Variants in EPS15 observed in about 807,000 individuals in gnomAD.
EPS15 encodes the protein epidermal growth factor receptor substrate 15.
A neutral mutation model predicts 113.8 loss-of-function variants in EPS15; 72 were observed. The observed-to-expected ratio is 0.63, with a 90% CI of 0.52 to 0.77. The LOEUF is 0.77. EPS15 is among the 30% of genes least tolerant of loss of function. The pLI, the probability that EPS15 is intolerant of heterozygous loss-of-function variation, is 0.00. For missense variants in EPS15, 1,048 were observed against 1,045.8 expected (o/e 1.00, Z -0.03); for synonymous variants, 344 against 363.4 (o/e 0.95, Z 0.61).
At chr1:51,364,464 G>T (rs1646461379) in intron 22 of EPS15, among the ~76,000 whole-genome samples, 1 of 151,784 alleles carries the variant, frequency 6.6e-6, no homozygotes, top group Admixed American at 6.6e-5. Context: ...AAGGAAAATG[G>T]CATCTTGACA....
chr1:51,399,817 G>T (rs766859673), intron 19 of EPS15, among the ~76,000 whole-genome samples: 10 of 151,786 alleles, frequency 6.6e-5, no homozygotes, highest in Non-Finnish European at 1.0e-4. Flanking sequence ...AGTCAAGACC[G>T]CACTACTTGT....
Position 51,408,150 on chromosome 1 carries a change from T to C in EPS15, c.1458A>G (p.Gln486=). 6.2e-7 allele frequency: 1 copy of C among 1,614,026 alleles called. No homozygotes were observed. Among genetic ancestry groups the C allele is most frequent in the Non-Finnish European group, 8.5e-7 (1 of 1,179,874 alleles). The change falls in exon 15 of 25, where the codon CAA becomes CAG. Residue 486 remains glutamine, a synonymous_variant. Transcript: ENST00000371733. ...EPLQQHLQDS[Q]QEISSMQMKL... ...AAAGACTTACTGAACTAATTTCCTG[T>C]TGTGAATCTTGTAGGTGCTGCTGAA...
intron 13 of EPS15, among the ~76,000 whole-genome samples, chr1:51,419,499 A>G (rs1650547588): frequency 1.3e-5 from 2 of 152,128 alleles, no homozygotes. Context: ...ATATGGAGAA[A>G]AGCAAGAACA....
chr1:51,446,604 C>A (rs1653076357), intron 10 of EPS15, among the ~76,000 whole-genome samples: 1 of 152,086 alleles, frequency 6.6e-6, no homozygotes, highest in African/African-American at 2.4e-5. Context: ...CAGGCGCACA[C>A]CACCATGTCT....
At chr1:51,357,852 G>A (rs1423563321) in intron 24 of EPS15, among the ~76,000 whole-genome samples, 1 of 150,194 alleles carries the variant, frequency 6.7e-6, no homozygotes, top group Non-Finnish European at 1.5e-5. Context: ...CGATTCTCTT[G>A]CCTCAGCCTC....
rs559449212 is a variant in EPS15, at chr1:51,370,678, T to C, written c.2120-4649A>G. 8.1e-4 allele frequency among the ~76,000 whole-genome samples: 123 copies of C among 152,014 alleles called. 1 individual carries two copies. Among genetic ancestry groups the C allele is most frequent in the African/African-American group, 2.9e-3 (121 of 41,460 alleles). On this transcript the variant is annotated intron_variant, in intron 21 of 24. Coordinates refer to ENST00000371733, the MANE Select transcript of EPS15 (RefSeq NM_001981.3). ...CTCTGTAGCCCAGGCTGGAGTGCAGTGGCATAACCTCAGCTCACCGAAACC... is the reference window on the plus strand; with the variant it reads ...CTCTGTAGCCCAGGCTGGAGTGCAGCGGCATAACCTCAGCTCACCGAAACC...
chr1:51,413,672 T>C (rs1003723825), intron 13 of EPS15, among the ~76,000 whole-genome samples: 1 of 152,246 alleles, frequency 6.6e-6, no homozygotes, highest in African/African-American at 2.4e-5. Context: ...TTATAATCTA[T>C]AGACCAAGGC....
chr1:51,389,605 A>C (rs1182761938), intron 21 of EPS15, among the ~76,000 whole-genome samples: 3 of 152,292 alleles, frequency 2.0e-5, no homozygotes. Flanking sequence ...TAAGCTGATA[A>C]GCAACTTCAG....
At position 51,475,170 on chromosome 1, in the gene EPS15, G is replaced by A. The variant is rs183097504; in HGVS notation, c.76-2222C>T. Among the ~76,000 whole-genome samples the A allele has an allele frequency of 2.6e-5, 4 of 152,260 alleles. No homozygotes were observed. In the East Asian group the frequency reaches 7.7e-4, roughly 29 times the overall value. ...TGTGCATGTGTCTTTATAGCAGCAT[G>A]ATTTATAATCCTTTGGGTATATACT... On this transcript the variant is annotated intron_variant, in intron 2 of 24. Coordinates refer to ENST00000371733, the MANE Select transcript of EPS15 (RefSeq NM_001981.3).
At chr1:51,389,666 A>G (rs1394475461) in intron 21 of EPS15, among the ~76,000 whole-genome samples, 3 of 152,286 alleles carry the variant, frequency 2.0e-5, no homozygotes, top group Non-Finnish European at 2.9e-5. Flanking sequence ...GCATTCTTAT[A>G]CACCAATAAC....
intron 23 of EPS15, among the ~76,000 whole-genome samples, chr1:51,361,780 A>G (rs1484077328): frequency 6.6e-6 from 1 of 152,250 alleles, no homozygotes; most frequent in Admixed American, 6.5e-5. Context: ...CACTAGTGGC[A>G]GTAAGAGCAA....
chr1:51,516,916 T>A (rs1320866522), intron 1 of EPS15, among the ~76,000 whole-genome samples: 2 of 152,214 alleles, frequency 1.3e-5, no homozygotes, highest in Non-Finnish European at 2.9e-5. Flanking sequence ...CTGCCCTGAA[T>A]GAGCTCTCAC....
chr1:51,424,643 C>A (rs1056070096), intron 12 of EPS15, among the ~76,000 whole-genome samples: 1 of 152,104 alleles, frequency 6.6e-6, no homozygotes, highest in Non-Finnish European at 1.5e-5. Flanking sequence ...GTGGCTCACA[C>A]CTGTAATTCC....
intron 1 of EPS15, among the ~76,000 whole-genome samples, chr1:51,509,978 G>C (rs989059113): frequency 1.3e-5 from 2 of 152,202 alleles, no homozygotes; most frequent in Non-Finnish European, 2.9e-5. Context: ...CTACCACTTA[G>C]CAGCAGTTTG....
At chr1:51,430,567 C>CA (rs1284100143) in intron 12 of EPS15, among the ~76,000 whole-genome samples, 8,560 of 91,710 alleles carry the variant, frequency 0.093, 383 homozygotes, top group African/African-American at 0.19. Flanking sequence ...GACTTCGTCT[C>CA]AAAAAAAAAA....
intron 21 of EPS15, among the ~76,000 whole-genome samples, chr1:51,374,308 T>C (rs1181869457): frequency 6.6e-6 from 1 of 152,188 alleles, no homozygotes; most frequent in Non-Finnish European, 1.5e-5. Flanking sequence ...ATAATTTTTA[T>C]AAAGTACATG....
intron 12 of EPS15, among the ~76,000 whole-genome samples, chr1:51,436,813 T>C (rs527535160): frequency 1.3e-5 from 2 of 152,206 alleles, no homozygotes; most frequent in East Asian, 1.9e-4. Flanking sequence ...GCTTGAGTGA[T>C]TGGGTGAATG....
At chr1:51,362,552 T>G (rs1445774312) in intron 23 of EPS15, among the ~76,000 whole-genome samples, 1 of 152,220 alleles carries the variant, frequency 6.6e-6, no homozygotes, top group Non-Finnish European at 1.5e-5. Flanking sequence ...TAACCATTAT[T>G]TATTTTTAAA....
At chr1:51,378,400 T>C (rs1312693243) in intron 21 of EPS15, among the ~76,000 whole-genome samples, 1 of 152,066 alleles carries the variant, frequency 6.6e-6, no homozygotes, top group Non-Finnish European at 1.5e-5. Flanking sequence ...CTCACACCTG[T>C]AATCCTAGCA....
Sources: allele counts gnomAD v4.1 joint callset (sites outside exome capture counted in the v4.1 genomes callset), GRCh38; gene constraint gnomAD v4.1.1; transcripts MANE v1.5; gene names NCBI Gene and HGNC (gene_info 2026-07-23, HGNC 2026-07-21).